PRKD2: variants seen among roughly 807,000 people sequenced by gnomAD.
PRKD2 encodes protein kinase D2, also known as serine/threonine-protein kinase D2.
PRKD2 carries 22 observed loss-of-function variants against 86.0 expected under a neutral mutation model. The observed-to-expected ratio is 0.26, with a 90% CI of 0.18 to 0.37. PRKD2 has a LOEUF of 0.37. PRKD2 is among the 10% of genes least tolerant of loss of function. The pLI, the probability that PRKD2 is intolerant of heterozygous loss-of-function variation, is 1.00. For synonymous variants in PRKD2, 509 were observed against 510.9 expected, an observed-to-expected ratio of 1.00 and a Z score of 0.05; for missense variants, 818 against 1,199.2, an observed-to-expected ratio of 0.68 and a Z score of 4.70.
chr19:46,700,792 T>C lies in PRKD2; in HGVS notation c.1121+7A>G. 2 of 1,613,562 alleles carry C rather than the reference T, an allele frequency of 1.2e-6. 1 individual carries two copies. The highest frequency in any genetic ancestry group is 2.2e-5 in the South Asian group (2 of 91,082). On this transcript the variant is annotated splice_region_variant and intron_variant, in intron 7 of 17. Transcript: ENST00000291281. ...CCCCAGGGTCTCTTGGAGGGTTCTG[T>C]GTATACCTCTGGGCCTTGCCTCCCT...
At chr19:46,691,192 G>T (rs1442245963) in intron 12 of PRKD2, among the ~76,000 whole-genome samples, 1 of 151,864 alleles carries the variant, frequency 6.6e-6, no homozygotes. Context: ...CAGAATCTAG[G>T]ATTTAGCCTG....
chr19:46,695,265 T>C (rs971000712), intron 9 of PRKD2, among the ~76,000 whole-genome samples: 1 of 152,048 alleles, frequency 6.6e-6, no homozygotes. Flanking sequence ...GGCAGGCGGA[T>C]CACAAAGTCA....
Position 46,678,736 on chromosome 19 carries a change from C to A in PRKD2, c.2071-73G>T. 1 of 1,494,740 alleles carries A rather than the reference C, an allele frequency of 6.7e-7. No homozygotes were observed. Among genetic ancestry groups the A allele is most frequent in the Non-Finnish European group, 9.0e-7 (1 of 1,109,370 alleles). The allele number at this position is 1,494,740 out of a possible 1,614,324, so 92.6% of individuals were successfully genotyped here. On this transcript the variant is annotated intron_variant, in intron 15 of 17. Transcript: ENST00000291281. The surrounding 1 kb of genome is among the most constrained non-coding windows in gnomAD (Gnocchi z 5.7). ...CCACCCCAGCATCCCCACCACACCA[C>A]CCTCCATGGTATTCCAGAGAAAGCT...
At chr19:46,689,170 G>A (rs2053447073) in intron 14 of PRKD2, 2 of 148,518 alleles carry the variant, frequency 1.3e-5, no homozygotes, top group Non-Finnish European at 2.9e-5. Flanking sequence ...CGCCCAGGCT[G>A]GAGTGCAGTG....
chr19:46,703,278 C>T (rs528675020), intron 5 of PRKD2, among the ~76,000 whole-genome samples: 1 of 152,298 alleles, frequency 6.6e-6, no homozygotes, highest in East Asian at 1.9e-4. Flanking sequence ...TCAGGTTCTA[C>T]AGTTTTAGAA....
intron 12 of PRKD2, 71 bp downstream of exon 12, chr19:46,691,664 G>A (rs78129665): frequency 1.3e-6 from 2 of 1,482,664 alleles, no homozygotes; most frequent in African/African-American, 2.8e-5. Context: ...GAGCCAGAAA[G>A]AAAGGGCTGG....
rs142760319 is a variant in PRKD2 at position 46,693,882 on chromosome 19, C to A, written c.1569G>T (p.Ala523=). Residue 523 remains alanine, a synonymous_variant, in exon 10 of 18, where the codon GCG becomes GCT. Coordinates refer to ENST00000291281, the MANE Select transcript of PRKD2 (RefSeq NM_016457.5). The surrounding 1 kb of genome is among the most constrained non-coding windows in gnomAD (Gnocchi z 4.5). The stretch of plus-strand genomic sequence containing the variant: ...CGAGGTGGGAGGACTTACTGTGGGG[C>A]GCGTGGCCTGGGGCGCTGGGTGCGT... ...LQDAPSAPGH[A]PHRQASLSIS... 1.3e-6 allele frequency: 2 copies of A among 1,596,148 alleles called. No homozygotes were observed. Among genetic ancestry groups the A allele is most frequent in the East Asian group, 2.2e-5 (1 of 44,592 alleles).
At chr19:46,683,440 G>T (rs1013139845) in intron 14 of PRKD2, among the ~76,000 whole-genome samples, 3 of 152,104 alleles carry the variant, frequency 2.0e-5, no homozygotes, top group Non-Finnish European at 4.4e-5. Context: ...AAAAAACTTT[G>T]GCTGGGCATG....
Position 46,693,623 on chromosome 19 carries a change from A to T in PRKD2, c.1576+252T>A, listed in dbSNP as rs2122680786. ...GGCTAATTGTTTTTATTTTTTGTAGAGATGGAATCTCATTATGTTGCCCAG... is the reference window on the plus strand; with the variant it reads ...GGCTAATTGTTTTTATTTTTTGTAGTGATGGAATCTCATTATGTTGCCCAG... On this transcript the variant is annotated intron_variant, in intron 10 of 17. Coordinates refer to ENST00000291281, the MANE Select transcript of PRKD2 (RefSeq NM_016457.5). The surrounding 1 kb of genome is among the most constrained non-coding windows in gnomAD (Gnocchi z 4.5). Among the ~76,000 whole-genome samples the T allele has an allele frequency of 6.6e-6, 1 of 152,196 alleles. No individual in the cohort carries two copies. The highest frequency in any genetic ancestry group is 6.5e-5 in the Admixed American group (1 of 15,286).
chr19:46,690,480 T>C, intron 13 of PRKD2, 120 bp downstream of exon 13: 2 of 803,304 alleles, frequency 2.5e-6, no homozygotes, highest in Non-Finnish European at 4.2e-6. Context: ...GAACACCTTC[T>C]CCCCTTCAGT....
At position 46,703,958 on chromosome 19, in the gene PRKD2, A is replaced by AACACAC. The variant is rs10528388; in HGVS notation, c.889+205_889+210dup. Among the ~76,000 whole-genome samples, 360 of 133,736 alleles carry AACACAC rather than the reference A, an allele frequency of 2.7e-3. 2 individuals are homozygous for AACACAC. Among genetic ancestry groups the AACACAC allele is most frequent in the African/African-American group, 6.5e-3 (224 of 34,304 alleles). The allele number at this position is 133,736 out of a possible 152,430, so 87.7% of individuals were successfully genotyped here. ...CACCCTGTCTCCAAAAAACAACAAC[A>AACACAC]ACACACACACACACACACACACACA... On this transcript the variant is annotated intron_variant, in intron 5 of 17. Coordinates refer to ENST00000291281, the MANE Select transcript of PRKD2 (RefSeq NM_016457.5).
At chr19:46,686,882 C>G (rs1320822700) in intron 14 of PRKD2, among the ~76,000 whole-genome samples, 2 of 149,350 alleles carry the variant, frequency 1.3e-5, no homozygotes, top group Non-Finnish European at 3.0e-5. Flanking sequence ...ACCTGGGAGG[C>G]GGAGCTTGCA....
rs560142103 is a variant in PRKD2, at chr19:46,705,032, C to G, written c.512-383G>C. On this transcript the variant is annotated intron_variant, in intron 3 of 17. Coordinates refer to ENST00000291281, the MANE Select transcript of PRKD2 (RefSeq NM_016457.5). Reference sequence around the variant, plus strand: ...CCAGACCCTGAACACGCCTCACACCCAAAATTTTCCCACTCCAACAAGGGA... The same window carrying G: ...CCAGACCCTGAACACGCCTCACACCGAAAATTTTCCCACTCCAACAAGGGA... Among the ~76,000 whole-genome samples, 5 of 151,554 alleles carry G rather than the reference C, an allele frequency of 3.3e-5. No homozygotes were observed. In the East Asian group the frequency reaches 7.8e-4, roughly 24 times the overall value.
intron 10 of PRKD2, 147 bp from the exon 11 acceptor site, chr19:46,692,132 C>G: frequency 2.7e-6 from 2 of 736,822 alleles, no homozygotes; most frequent in South Asian, 1.6e-5. Flanking sequence ...GGTGACTTGT[C>G]CACTACGAAC....
At chr19:46,681,851 T>C (rs1365880329) in intron 14 of PRKD2, 103 bp from the exon 15 acceptor site, 2 of 700,232 alleles carry the variant, frequency 2.9e-6, no homozygotes. Flanking sequence ...TTTTTTTTTT[T>C]TTTTTTGAGA....
At chr19:46,704,109 C>G in intron 5 of PRKD2, 60 bp downstream of exon 5, 2 of 1,602,062 alleles carry the variant, frequency 1.2e-6, no homozygotes, top group Admixed American at 1.7e-5. Flanking sequence ...GCCACAAGAC[C>G]AGGTTGGGGC....
At chr19:46,712,029 C>T (rs2053816385) in intron 2 of PRKD2, among the ~76,000 whole-genome samples, 1 of 150,314 alleles carries the variant, frequency 6.7e-6, no homozygotes, top group Admixed American at 6.6e-5. Flanking sequence ...GATCATGCCA[C>T]GGCACTCCAG....
chr19:46,710,820 C>T (rs2053795289), intron 3 of PRKD2, 87 bp downstream of exon 3: 2 of 1,380,110 alleles, frequency 1.4e-6, no homozygotes, highest in Non-Finnish European at 1.9e-6. Flanking sequence ...TCCTCCTCCC[C>T]ACGCTGTCCC....
At position 46,678,326 on chromosome 19, in the gene PRKD2, A is replaced by G. The variant is rs771407663; in HGVS notation, c.2338+70T>C. On this transcript the variant is annotated intron_variant, in intron 16 of 17. Transcript: ENST00000291281. This position sits in a 1 kb window ranked among gnomAD's most constrained non-coding sequence, Gnocchi z 5.7. The stretch of plus-strand genomic sequence containing the variant: ...CTGTTTCCGGGTCCACCCCCCTCTC[A>G]TGGCTCCGCCCACTTCTCCAGCCCC... 32 of 1,560,130 alleles carry G rather than the reference A, an allele frequency of 2.1e-5. 1 individual carries two copies. The highest frequency in any genetic ancestry group is 1.9e-4 in the South Asian group (16 of 85,314).
Sources: gnomAD v4.1 joint callset for allele counts (sites outside exome capture counted in the v4.1 genomes callset) on GRCh38, gnomAD v4.1.1 for gene constraint, Gnocchi (gnomAD v3.1) non-coding constraint, MANE v1.5 for transcripts, NCBI Gene and HGNC (gene_info 2026-07-23, HGNC 2026-07-21) for gene names.